CNTLN: variants seen among roughly 807,000 people sequenced by gnomAD.
The protein encoded by CNTLN is centlein.
In CNTLN, 212 loss-of-function variants were observed where a neutral mutation model predicts 180.0. The ratio of observed to expected loss-of-function variants is 1.18; its 90% confidence interval spans 1.05 to 1.32. The LOEUF (loss-of-function observed/expected upper bound fraction) is 1.32. Among genes scored for constraint, CNTLN ranks in the 40% most tolerant of loss-of-function variants. The pLI, the probability that CNTLN is intolerant of heterozygous loss-of-function variation, is 0.00. For missense variants in CNTLN, 2,095 were observed against 1,610.9 expected (o/e 1.30, Z -5.14); for synonymous variants, 722 against 563.1 (o/e 1.28, Z -3.99).
At chr9:17,154,922 T>G (rs1324920802) in intron 2 of CNTLN, among the ~76,000 whole-genome samples, 3 of 152,220 alleles carry the variant, frequency 2.0e-5, no homozygotes, top group Non-Finnish European at 4.4e-5. Flanking sequence ...TAAATCTTGC[T>G]GCTGCTCACT....
chr9:17,437,461 T>A (rs1395468436), intron 18 of CNTLN, among the ~76,000 whole-genome samples: 1 of 152,220 alleles, frequency 6.6e-6, no homozygotes, highest in African/African-American at 2.4e-5. Flanking sequence ...AATTTTATAT[T>A]TCTGGTAGTG....
the CNTLN span, among the ~76,000 whole-genome samples, chr9:17,509,234 G>T: frequency 6.6e-6 from 1 of 152,152 alleles, no homozygotes; most frequent in Non-Finnish European, 1.5e-5. Flanking sequence ...CCAACACTCA[G>T]CCCTTGATAT....
intron 18 of CNTLN, among the ~76,000 whole-genome samples, chr9:17,442,498 A>G (rs1687763834): frequency 1.3e-5 from 2 of 152,162 alleles, no homozygotes; most frequent in Admixed American, 1.3e-4. Context: ...TTCTGGGTTC[A>G]AGTGATTCTC....
chr9:17,192,625 A>G (rs1290791531), intron 2 of CNTLN, among the ~76,000 whole-genome samples: 2 of 152,154 alleles, frequency 1.3e-5, no homozygotes, highest in African/African-American at 4.8e-5. Flanking sequence ...CACAGAGCTA[A>G]TGAATGGTGG....
At chr9:17,253,761 G>GTTTTTTT (rs60517986) in intron 5 of CNTLN, among the ~76,000 whole-genome samples, 1 of 142,690 alleles carries the variant, frequency 7.0e-6, no homozygotes, top group African/African-American at 2.5e-5. Context: ...CTTTTCTATT[G>GTTTTTTT]TTTTTTTTTT....
At chr9:17,169,690 G>T (rs745413088) in intron 2 of CNTLN, among the ~76,000 whole-genome samples, 3 of 151,950 alleles carry the variant, frequency 2.0e-5, no homozygotes, top group Non-Finnish European at 2.9e-5. Flanking sequence ...TGGCACCTTT[G>T]TTGAAAGCTA....
At chr9:17,516,608 C>A in the CNTLN span, among the ~76,000 whole-genome samples, 3 of 152,154 alleles carry the variant, frequency 2.0e-5, no homozygotes, top group African/African-American at 4.8e-5. Context: ...TTGGCCCCCC[C>A]TGGATAATAT....
chr9:17,143,743 G>T (rs537491508), intron 2 of CNTLN, among the ~76,000 whole-genome samples: 1 of 152,312 alleles, frequency 6.6e-6, no homozygotes. Flanking sequence ...TACTAGACGT[G>T]ACTCAGTTTT....
intron 25 of CNTLN, among the ~76,000 whole-genome samples, chr9:17,492,951 A>G (rs1833248507): frequency 6.6e-6 from 1 of 152,190 alleles, no homozygotes; most frequent in African/African-American, 2.4e-5. Flanking sequence ...ATGAACCTTC[A>G]AGACATTATG....
chr9:17,349,520 A>G (rs1022173480), intron 12 of CNTLN, among the ~76,000 whole-genome samples: 2 of 152,192 alleles, frequency 1.3e-5, no homozygotes, highest in Non-Finnish European at 2.9e-5. Flanking sequence ...ACATTGTATG[A>G]CAACTGTACA....
chr9:17,166,615 A>G (rs1291153339), intron 2 of CNTLN, among the ~76,000 whole-genome samples: 1 of 152,178 alleles, frequency 6.6e-6, no homozygotes. Flanking sequence ...ACAGCCACAT[A>G]CATAGAGTTA....
At chr9:17,522,221 C>G in the CNTLN span, among the ~76,000 whole-genome samples, 284 of 152,278 alleles carry the variant, frequency 1.9e-3, no homozygotes, top group African/African-American at 5.9e-3. Context: ...ATAGTAAATG[C>G]TAAATAAATG....
intron 6 of CNTLN, among the ~76,000 whole-genome samples, chr9:17,277,408 G>T (rs1466750226): frequency 6.6e-6 from 1 of 152,056 alleles, no homozygotes; most frequent in African/African-American, 2.4e-5. Flanking sequence ...AATACATCTG[G>T]ATTGCTGGTT....
rs755727148 is a variant in CNTLN, at chr9:17,466,857, A to G, written c.3821A>G (p.Asn1274Ser). 50 of 1,610,026 alleles carry G rather than the reference A, an allele frequency of 3.1e-5. No individual in the cohort carries two copies. The highest frequency in any genetic ancestry group is 1.7e-4 in the Middle Eastern group (1 of 6,060). ...EGAQKTLLLA[N>S]EKVEEFTTFV... ...GCACAGAAGACATTGCTGTTAGCCAATGAAAAAGTAGAAGAGTTCACCACA... is the reference window on the plus strand; with the variant it reads ...GCACAGAAGACATTGCTGTTAGCCAGTGAAAAAGTAGAAGAGTTCACCACA... The change falls in exon 23 of 26, where the codon AAT becomes AGT. Residue 1274 changes from asparagine (N) to serine (S), a missense_variant. Physicochemically the swap from Asn to Ser is conservative, Grantham distance 46 (BLOSUM62 1). Coordinates refer to ENST00000380647, the MANE Select transcript of CNTLN (RefSeq NM_017738.4).
chr9:17,258,598 T>G (rs1826699069), intron 5 of CNTLN, among the ~76,000 whole-genome samples: 1 of 150,724 alleles, frequency 6.6e-6, no homozygotes, highest in Non-Finnish European at 1.5e-5. Context: ...TATTGATTCT[T>G]CCTACCCATG....
chr9:17,489,232 A>G (rs1177717090), intron 25 of CNTLN, among the ~76,000 whole-genome samples: 1 of 151,966 alleles, frequency 6.6e-6, no homozygotes, highest in African/African-American at 2.4e-5. Flanking sequence ...GCCTTTTTTT[A>G]GAGTCTGAGT....
chr9:17,157,145 C>T (rs1452246253), intron 2 of CNTLN, among the ~76,000 whole-genome samples: 3 of 152,172 alleles, frequency 2.0e-5, no homozygotes, highest in African/African-American at 7.2e-5. Flanking sequence ...TGAGCAACTT[C>T]AGCCAGCATG....
the CNTLN span, among the ~76,000 whole-genome samples, chr9:17,519,813 A>G: frequency 6.6e-6 from 1 of 152,234 alleles, no homozygotes; most frequent in African/African-American, 2.4e-5. Context: ...GAAGTCTGCT[A>G]GCCAATGTCA....
chr9:17,258,243 C>T (rs1826665351), intron 5 of CNTLN, among the ~76,000 whole-genome samples: 1 of 146,366 alleles, frequency 6.8e-6, no homozygotes, highest in African/African-American at 2.6e-5. Flanking sequence ...GAATCCTTTC[C>T]CCATTGCTTG....
Sources: allele counts gnomAD v4.1 joint callset (sites outside exome capture counted in the v4.1 genomes callset), GRCh38; gene constraint gnomAD v4.1.1; transcripts MANE v1.5; gene names NCBI Gene and HGNC (gene_info 2026-07-23, HGNC 2026-07-21).